The following ORC1 variants were observed in gnomAD, a reference collection of about 807,000 sequenced individuals.
ORC1 encodes the protein origin recognition complex, subunit 1 homolog.
ORC1 carries 61 observed loss-of-function variants against 98.9 expected under a neutral mutation model. That is an observed-to-expected ratio of 0.62 (90% confidence interval 0.50 to 0.76). The LOEUF (loss-of-function observed/expected upper bound fraction) is 0.76, where lower values mean the gene tolerates loss of function less well. ORC1 is among the 30% of genes least tolerant of loss of function. The probability of loss-of-function intolerance (pLI) is 0.00; values close to 1 mark genes in which losing one functional copy is unlikely to be tolerated. For synonymous variants in ORC1, 385 were observed against 406.9 expected (o/e 0.95, Z 0.65); for missense variants, 979 against 1,072.2 (o/e 0.91, Z 1.21).
Position 52,393,508 on chromosome 1 carries a change from G to A in ORC1, c.1017C>T (p.Ile339=). 6.2e-7 allele frequency: 1 copy of A among 1,614,076 alleles called. No homozygotes were observed. Among genetic ancestry groups the A allele is most frequent in the Non-Finnish European group, 8.5e-7 (1 of 1,179,990 alleles). ...DIREERTLTP[I]SGGQRSSVVP... ...CCACTGAAGATCTCTGTCCCCCACT[G>A]ATAGGGGTAAGTGTTCTCTCCTCTC... is the stretch of plus-strand genomic sequence containing the variant. The change falls in exon 6 of 17, where the codon ATC becomes ATT. Residue 339 remains isoleucine (I), a synonymous_variant. Coordinates refer to ENST00000371568, the MANE Select transcript of ORC1 (RefSeq NM_004153.4).
Position 52,397,821 on chromosome 1 carries a change from AACCACTGT to A in ORC1, c.258_265del (p.Gln87CysfsTer5). 6.2e-7 allele frequency: 1 copy of A among 1,614,268 alleles called. No individual in the cohort carries two copies. Among genetic ancestry groups the A allele is most frequent in the Non-Finnish European group, 8.5e-7 (1 of 1,180,058 alleles). On this transcript the variant is annotated frameshift_variant, in exon 4 of 17. Coordinates refer to ENST00000371568, the MANE Select transcript of ORC1 (RefSeq NM_004153.4). LOFTEE classifies it high-confidence loss of function. Reference sequence around the variant, plus strand: ...GGCAGGGACTTCACAGAATCGGACAAACCACTGTACTCGAGCACGTTTCTTAGGAGGAG... The same window carrying A: ...GGCAGGGACTTCACAGAATCGGACAAACTCGAGCACGTTTCTTAGGAGGAG...
intron 3 of ORC1, among the ~76,000 whole-genome samples, chr1:52,400,425 A>C (rs993394409): frequency 6.6e-6 from 1 of 152,194 alleles, no homozygotes; most frequent in Non-Finnish European, 1.5e-5. Context: ...TTTTCCATTT[A>C]ATATTTTTGG....
intron 5 of ORC1, 54 bp from the exon 6 acceptor site, chr1:52,393,857 A>G (rs1346277716): frequency 6.3e-7 from 1 of 1,588,214 alleles, no homozygotes; most frequent in East Asian, 2.2e-5. Context: ...ATACAAACCC[A>G]CAATCTCATC....
chr1:52,405,025 A>G, upstream of ORC1: 1 of 844,300 alleles, frequency 1.2e-6, no homozygotes. Context: ...GTGCCTGCTA[A>G]GTGCCTCGTC....
intron 5 of ORC1, among the ~76,000 whole-genome samples, chr1:52,394,725 T>C (rs1647318082): frequency 6.6e-6 from 1 of 152,208 alleles, no homozygotes; most frequent in Non-Finnish European, 1.5e-5. Context: ...CTCAGCTCAC[T>C]GCCACCTGTG....
At chr1:52,374,372 TC>T (rs1258017595) in intron 16 of ORC1, among the ~76,000 whole-genome samples, 1 of 152,246 alleles carries the variant, frequency 6.6e-6, no homozygotes, top group African/African-American at 2.4e-5. Context: ...CAATTCATCT[TC>T]CAAGGCAGCC....
intron 6 of ORC1, among the ~76,000 whole-genome samples, chr1:52,392,216 G>A (rs554914507): frequency 2.6e-5 from 4 of 151,324 alleles, no homozygotes; most frequent in Admixed American, 6.6e-5. Flanking sequence ...TGCAAACTCC[G>A]CCTCCCAGGT....
intron 4 of ORC1, among the ~76,000 whole-genome samples, chr1:52,397,148 T>A (rs928093160): frequency 1.8e-4 from 28 of 152,286 alleles, no homozygotes; most frequent in African/African-American, 6.3e-4. Flanking sequence ...ATGAACCACA[T>A]AATCAGCATA....
chr1:52,382,260 T>C (rs973329331), intron 13 of ORC1, among the ~76,000 whole-genome samples: 16 of 152,234 alleles, frequency 1.1e-4, no homozygotes, highest in Admixed American at 6.5e-4. Context: ...ATTACAGGCG[T>C]GAGCAACCAC....
chr1:52,397,503 CAT>C (rs1329552309), intron 4 of ORC1, among the ~76,000 whole-genome samples, 180 bp downstream of exon 4: 1 of 152,198 alleles, frequency 6.6e-6, no homozygotes, highest in Non-Finnish European at 1.5e-5. Context: ...GCTCCTAACA[CAT>C]GATACGTGCT....
intron 11 of ORC1, 123 bp downstream of exon 11, chr1:52,384,427 A>T: frequency 1.1e-6 from 1 of 901,836 alleles, no homozygotes; most frequent in Non-Finnish European, 1.8e-6. Flanking sequence ...TGCTACCTCT[A>T]CAGAAAGGAC....
At chr1:52,405,229 G>A (rs757363031), upstream of ORC1, among the ~76,000 whole-genome samples, 1 of 152,188 alleles carries the variant, frequency 6.6e-6, no homozygotes, top group Non-Finnish European at 1.5e-5. Context: ...TAATATGCCT[G>A]AAACCAAATT....
In ORC1 at chr1:52,379,282, C is replaced by A. The variant is rs546203922; in HGVS notation, c.2133+2360G>T. Among the ~76,000 whole-genome samples the A allele has an allele frequency of 2.1e-5, 3 of 145,294 alleles. No homozygotes were observed. In the South Asian group the frequency reaches 6.7e-4, roughly 32 times the overall value. On this transcript the variant is annotated intron_variant, in intron 14 of 16. Coordinates refer to ENST00000371568, the MANE Select transcript of ORC1 (RefSeq NM_004153.4). ...TTTCTGAGACGGAGTCTCGCTCTGT[C>A]TCCCAGGCTGGAGTGCAGCGGTGCG...
chr1:52,405,009 T>C (rs1288604303), upstream of ORC1: 1 of 1,046,380 alleles, frequency 9.6e-7, no homozygotes, highest in Non-Finnish European at 1.4e-6. Context: ...TTCAGAAAAA[T>C]TTTGAGTGCC....
At chr1:52,384,040 C>T (rs545248189) in intron 11 of ORC1, 103 bp from the exon 12 acceptor site, 28 of 888,774 alleles carry the variant, frequency 3.2e-5, no homozygotes, top group Middle Eastern at 2.1e-4. Context: ...CTGAGGACTT[C>T]GGTATCCTAT....
intron 7 of ORC1, among the ~76,000 whole-genome samples, chr1:52,388,951 C>T (rs1472120490): frequency 6.6e-6 from 1 of 152,132 alleles, no homozygotes; most frequent in Non-Finnish European, 1.5e-5. Context: ...TGTCAGAATC[C>T]AAGTTCATGC....
chr1:52,394,471 CAT>C (rs1647305747), intron 5 of ORC1, among the ~76,000 whole-genome samples: 1 of 152,188 alleles, frequency 6.6e-6, no homozygotes, highest in Non-Finnish European at 1.5e-5. Context: ...AGATGATACA[CAT>C]GACTGCCTAT....
intron 14 of ORC1, among the ~76,000 whole-genome samples, chr1:52,380,950 C>T (rs1192060655): frequency 6.6e-6 from 1 of 152,160 alleles, no homozygotes; most frequent in African/African-American, 2.4e-5. Context: ...GCTGCTACAG[C>T]CATTCAGGGT....
rs758742811 is a variant in ORC1 at position 52,388,465 on chromosome 1, G to C, written c.1360C>G (p.Leu454Val). 6.2e-7 allele frequency: 1 copy of C among 1,614,004 alleles called. No homozygotes were observed. Residue 454 changes from leucine (L) to valine (V), a missense_variant, in exon 8 of 17, where the codon CTC becomes GTC. Leu to Val is a conservative substitution (Grantham distance 32, BLOSUM62 1). Coordinates refer to ENST00000371568, the MANE Select transcript of ORC1 (RefSeq NM_004153.4). Reference sequence around the variant, plus strand: ...ACACTCTTCTTTGGCACCTTCGTGAGGGTATGTAAGGATGACTTCAAGGAA... The same window carrying C: ...ACACTCTTCTTTGGCACCTTCGTGACGGTATGTAAGGATGACTTCAAGGAA... ...RSSLKSSLHT[L>V]TKVPKKSLKP...
Sources: gnomAD v4.1 joint callset for allele counts (sites outside exome capture counted in the v4.1 genomes callset) on GRCh38, gnomAD v4.1.1 for gene constraint, MANE v1.5 for transcripts, NCBI Gene and HGNC (gene_info 2026-07-23, HGNC 2026-07-21) for gene names.